BCAR3: variants seen among roughly 807,000 people sequenced by gnomAD.
BCAR3 encodes the protein BCAR3 adaptor protein, NSP family member, also known as breast cancer anti-estrogen resistance protein 3.
A neutral mutation model predicts 80.1 loss-of-function variants in BCAR3; 37 were observed. The ratio of observed to expected loss-of-function variants is 0.46; its 90% CI spans 0.36 to 0.61. BCAR3 has a LOEUF of 0.61. Ranked by LOEUF, BCAR3 falls within the 20% of genes least tolerant of loss-of-function variation. BCAR3 has a pLI of 0.00. For synonymous variants in BCAR3, 389 were observed against 418.9 expected, an observed-to-expected ratio of 0.93 and a Z score of 0.87; for missense variants, 978 against 1,068.2, an observed-to-expected ratio of 0.92 and a Z score of 1.18.
At chr1:93,719,240 C>G (rs981315312) in intron 2 of BCAR3, among the ~76,000 whole-genome samples, 1 of 151,684 alleles carries the variant, frequency 6.6e-6, no homozygotes, top group Non-Finnish European at 1.5e-5. Flanking sequence ...ATGGTTGATG[C>G]TCCATGTTGT....
chr1:93,770,580 G>T (rs536243536), intron 2 of BCAR3, among the ~76,000 whole-genome samples: 284 of 152,248 alleles, frequency 1.9e-3, no homozygotes, highest in Non-Finnish European at 3.2e-3. Context: ...ATATATATAG[G>T]ATGGCACATA....
Position 93,740,199 on chromosome 1 carries a change from T to C in BCAR3, c.-62-34057A>G, listed in dbSNP as rs1651129498. Among the ~76,000 whole-genome samples, 3 of 152,206 alleles carry C rather than the reference T, an allele frequency of 2.0e-5. No homozygotes were observed. The South Asian group carries it at 6.2e-4, about 32-fold the overall frequency. ...TTGTCACCCAGGAAGCTGCTCATGGTGACACCAAATGCCGACAACAATGGC... is the reference window on the plus strand; with the variant it reads ...TTGTCACCCAGGAAGCTGCTCATGGCGACACCAAATGCCGACAACAATGGC... On this transcript the variant is annotated intron_variant, in intron 2 of 13. Transcript: ENST00000370244.
intron 2 of BCAR3, among the ~76,000 whole-genome samples, chr1:93,733,698 G>T (rs1244683014): frequency 6.6e-6 from 1 of 152,210 alleles, no homozygotes; most frequent in Non-Finnish European, 1.5e-5. Flanking sequence ...ACCTGTATGG[G>T]CACTCTTAGA....
At chr1:93,838,629 A>C (rs1431170059) in intron 2 of BCAR3, among the ~76,000 whole-genome samples, 1 of 152,158 alleles carries the variant, frequency 6.6e-6, no homozygotes, top group Non-Finnish European at 1.5e-5. Flanking sequence ...CTAGTCATTT[A>C]TAGTCTGCTA....
At chr1:93,567,141 G>A in intron 11 of BCAR3, 138 bp downstream of exon 11, 1 of 1,027,588 alleles carries the variant, frequency 9.7e-7, no homozygotes, top group Admixed American at 2.6e-5. Context: ...GTAATAACTA[G>A]CCATATAGGA....
At chr1:93,810,124 C>T (rs1234415422) in intron 2 of BCAR3, among the ~76,000 whole-genome samples, 8 of 145,832 alleles carry the variant, frequency 5.5e-5, no homozygotes, top group East Asian at 2.1e-4. Flanking sequence ...ACCCGTGAGG[C>T]GGAGGTTGCA....
intron 5 of BCAR3, 74 bp downstream of exon 5, chr1:93,588,903 A>C: frequency 7.1e-7 from 1 of 1,409,348 alleles, no homozygotes; most frequent in Admixed American, 2.3e-5. Flanking sequence ...TTCCATGATG[A>C]ATTCTTCACC....
intron 11 of BCAR3, among the ~76,000 whole-genome samples, chr1:93,565,575 CTT>C (rs1672909466): frequency 6.6e-6 from 1 of 152,250 alleles, no homozygotes; most frequent in Non-Finnish European, 1.5e-5. Flanking sequence ...TTATGGCACA[CTT>C]TTCTCAAAAC....
chr1:93,847,567 A>G (rs1655267139), upstream of BCAR3: 1 of 152,290 alleles, frequency 6.6e-6, no homozygotes, highest in Non-Finnish European at 1.5e-5. Context: ...TGAGACTCCA[A>G]CAGGTGGCTC....
intron 2 of BCAR3, among the ~76,000 whole-genome samples, chr1:93,762,064 C>T (rs1651963679): frequency 6.6e-6 from 1 of 152,182 alleles, no homozygotes; most frequent in Non-Finnish European, 1.5e-5. Context: ...CAGGGTCCCA[C>T]AGAAGCAGAA....
At chr1:93,809,534 G>C (rs140531128) in intron 2 of BCAR3, among the ~76,000 whole-genome samples, 1 of 151,636 alleles carries the variant, frequency 6.6e-6, no homozygotes, top group Non-Finnish European at 1.5e-5. Context: ...TTGGGAGGCC[G>C]AGGTGGGCGG....
intron 3 of BCAR3, among the ~76,000 whole-genome samples, chr1:93,638,107 G>T (rs1203131634): frequency 6.6e-6 from 1 of 152,238 alleles, no homozygotes; most frequent in Non-Finnish European, 1.5e-5. Flanking sequence ...AAATTAGCCA[G>T]CTGTGGTGGC....
At chr1:93,611,667 T>G (rs950876810) in intron 3 of BCAR3, among the ~76,000 whole-genome samples, 3 of 152,122 alleles carry the variant, frequency 2.0e-5, no homozygotes, top group Admixed American at 2.0e-4. Flanking sequence ...TATACACAAG[T>G]CCGTATGAGG....
intron 3 of BCAR3, chr1:93,613,918 A>G (rs1283825367): frequency 6.4e-7 from 1 of 1,550,516 alleles, no homozygotes; most frequent in Non-Finnish European, 8.7e-7. Context: ...AAAGCACTGC[A>G]TTCCTTAGGC....
At chr1:93,687,909 A>G (rs577780548) in intron 3 of BCAR3, among the ~76,000 whole-genome samples, 1 of 152,368 alleles carries the variant, frequency 6.6e-6, no homozygotes, top group East Asian at 1.9e-4. Flanking sequence ...AGCTATCACC[A>G]AGGAAGATCA....
intron 2 of BCAR3, among the ~76,000 whole-genome samples, chr1:93,760,127 A>C (rs1002022771): frequency 6.6e-6 from 1 of 152,186 alleles, no homozygotes; most frequent in Non-Finnish European, 1.5e-5. Flanking sequence ...CCTGGCATAC[A>C]AAAGGCCATG....
upstream of BCAR3, among the ~76,000 whole-genome samples, chr1:93,684,064 G>A (rs770152693): frequency 6.6e-6 from 1 of 152,010 alleles, no homozygotes; most frequent in Non-Finnish European, 1.5e-5. Flanking sequence ...TGTTTTTGTG[G>A]GTTAGTCTTT....
At position 93,582,357 on chromosome 1, in the gene BCAR3, A is replaced by C. The variant is rs777621474; in HGVS notation, c.1630T>G (p.Phe544Val). The change falls in exon 7 of 12, where the codon TTC becomes GTC. Residue 544 changes from phenylalanine to valine, a missense_variant. Transcript: ENST00000260502. ...TAMLKRAKEL[F>V]TNNDPKVIAQ... ...ATGACCTTGGGGTCGTTGTTGGTGA[A>C]CAGTTCTTTTGCACGTTTCAACATT... The C allele has an allele frequency of 1.2e-6, 2 of 1,614,176 alleles. No individual in the cohort carries two copies. Among genetic ancestry groups the C allele is most frequent in the Non-Finnish European group, 1.7e-6 (2 of 1,180,048 alleles).
chr1:93,749,598 A>G, intron 2 of BCAR3, among the ~76,000 whole-genome samples: 1 of 151,936 alleles, frequency 6.6e-6, no homozygotes, highest in East Asian at 1.9e-4. Flanking sequence ...AAAAAAAAAA[A>G]AAAAAAGAAA....
Sources: allele counts gnomAD v4.1 joint callset (sites outside exome capture counted in the v4.1 genomes callset), GRCh38; gene constraint gnomAD v4.1.1; transcripts MANE v1.5; gene names NCBI Gene and HGNC (gene_info 2026-07-23, HGNC 2026-07-21).